Variants in THAP3 observed in about 807,000 individuals in gnomAD.
THAP3 encodes the protein THAP domain-containing protein 3.
Under a neutral mutation model 17.7 loss-of-function variants are expected in THAP3, and 12 were observed. That is an observed-to-expected ratio of 0.68 (90% CI 0.43 to 1.10). The LOEUF (loss-of-function observed/expected upper bound fraction) is 1.10. THAP3 is among the 50% of genes least tolerant of loss of function. The pLI, the probability that THAP3 is intolerant of heterozygous loss-of-function variation, is 0.00. For synonymous variants in THAP3, 133 were observed against 126.9 expected (o/e 1.05, Z -0.32); for missense variants, 289 against 318.0 (o/e 0.91, Z 0.69).
chr1:6,634,581 C>T (rs1641718776), downstream of THAP3: 1 of 1,365,808 alleles, frequency 7.3e-7, no homozygotes, highest in East Asian at 4.5e-5. Flanking sequence ...CAACTGATGG[C>T]TGCCACTTCC....
chr1:6,629,422 G>C (rs1158874402), intron 3 of THAP3, among the ~76,000 whole-genome samples: 1 of 152,188 alleles, frequency 6.6e-6, no homozygotes, highest in Non-Finnish European at 1.5e-5. Flanking sequence ...CCGCCTGGGA[G>C]CCCCTGCCCC....
At chr1:6,625,903 C>T (rs552047065) in intron 2 of THAP3, among the ~76,000 whole-genome samples, 2 of 152,290 alleles carry the variant, frequency 1.3e-5, no homozygotes, top group South Asian at 4.1e-4. Context: ...TCCCATTGTT[C>T]TGTTTTGTGA....
At chr1:6,634,526 T>C, downstream of THAP3, 1 of 1,361,488 alleles carries the variant, frequency 7.3e-7, no homozygotes, top group Non-Finnish European at 9.8e-7. Context: ...GCCAGCTGTC[T>C]CAGCCACCAC....
At chr1:6,634,854 C>T (rs1184777880), downstream of THAP3, 9 of 1,230,534 alleles carry the variant, frequency 7.3e-6, no homozygotes, top group African/African-American at 1.6e-5. Flanking sequence ...TCTTGCCAAG[C>T]GCCTGGTCCT....
chr1:6,625,510 A>G (rs1428470380), intron 2 of THAP3, among the ~76,000 whole-genome samples: 1 of 151,820 alleles, frequency 6.6e-6, no homozygotes, highest in Non-Finnish European at 1.5e-5. Context: ...TGGCGGGGCC[A>G]GGGCCGGGAC....
At chr1:6,634,159 G>A, downstream of THAP3, 2 of 1,385,956 alleles carry the variant, frequency 1.4e-6, no homozygotes, top group East Asian at 4.6e-5. Flanking sequence ...ACACGGAAGA[G>A]CGCCAGCCTC....
chr1:6,624,961 C>G lies in THAP3; in HGVS notation c.-70+7C>G. 1 of 520,828 alleles carries G rather than the reference C, an allele frequency of 1.9e-6. No individual in the cohort carries two copies. The highest frequency in any genetic ancestry group is 3.4e-6 in the Non-Finnish European group (1 of 294,494). 32.3% of individuals were successfully genotyped at this position (520,828 alleles called of 1,614,324 possible). A position where few individuals can be genotyped will look rare whatever the true frequency, so the allele number is the denominator to read the frequency against. On this transcript the variant is annotated splice_region_variant and intron_variant, in intron 1 of 5. Transcript: ENST00000054650. ...ACCAGCATTGGCGAATGGGGTAAGA[C>G]TTGCACAGGCCCAAGGCTAGGAGTT... is the stretch of plus-strand genomic sequence containing the variant.
chr1:6,626,717 G>T (rs1356478196), intron 2 of THAP3, among the ~76,000 whole-genome samples: 1 of 152,150 alleles, frequency 6.6e-6, no homozygotes, highest in African/African-American at 2.4e-5. Context: ...GTGGTAGCGC[G>T]CACCTGAAAT....
chr1:6,627,448 T>C (rs1187628907), intron 2 of THAP3, among the ~76,000 whole-genome samples: 14 of 152,254 alleles, frequency 9.2e-5, no homozygotes, highest in Admixed American at 9.2e-4. Flanking sequence ...CACTGCAGCC[T>C]CTGCCTCCCT....
At chr1:6,633,912 G>A, downstream of THAP3, 1 of 1,003,978 alleles carries the variant, frequency 1.0e-6, no homozygotes, top group Middle Eastern at 2.8e-4. Flanking sequence ...GCGAGACTCA[G>A]TCTGAAAAAA....
Position 6,625,196 on chromosome 1 carries a change from G to A in THAP3, c.-23G>A. On this transcript the variant is annotated 5_prime_UTR_variant, in exon 2 of 6. Transcript: ENST00000054650. The stretch of plus-strand genomic sequence containing the variant: ...CCCGCCGCCGCCGCCATCTTTGTTG[G>A]GGGCAGCCAGGCCTGGCTCGAGATG... The A allele has an allele frequency of 5.2e-6, 8 of 1,536,488 alleles. No individual in the cohort carries two copies. Among genetic ancestry groups the A allele is most frequent in the Non-Finnish European group, 7.0e-6 (8 of 1,143,762 alleles).
Position 6,633,388 on chromosome 1 carries a change from T to G in THAP3, c.*311T>G. The G allele has an allele frequency of 8.1e-7, 1 of 1,234,594 alleles. No homozygotes were observed. Among genetic ancestry groups the G allele is most frequent in the Non-Finnish European group, 1.0e-6 (1 of 977,912 alleles). 76.5% of individuals were successfully genotyped at this position (1,234,594 alleles called of 1,614,324 possible). On this transcript the variant is annotated 3_prime_UTR_variant, in exon 6 of 6. Transcript: ENST00000054650. ...TCAGCACACGCAGAGCAAAGATCGT[T>G]GGAAGCCCCAGTGTGGGAGATGCTC...
In THAP3 at chr1:6,633,324, C is replaced by A. The variant is rs888922080; in HGVS notation, c.*247C>A. 9 of 1,386,266 alleles carry A rather than the reference C, an allele frequency of 6.5e-6. No individual in the cohort carries two copies. Among genetic ancestry groups the A allele is most frequent in the Non-Finnish European group, 8.4e-6 (9 of 1,070,180 alleles). 85.9% of individuals were successfully genotyped at this position (1,386,266 alleles called of 1,614,324 possible). The stretch of plus-strand genomic sequence containing the variant: ...TGACAAGCTTATCCTCCCATGGTAA[C>A]AGAAGTCCAGGCTGAGGCTGATTCT... On this transcript the variant is annotated 3_prime_UTR_variant, in exon 6 of 6. Transcript: ENST00000054650.
rs1030151941 is a variant in THAP3, at chr1:6,633,192, C to A, written c.*115C>A. ...GACACTGAGAAAGTTGGCCATGAGG[C>A]CTGCTTGGCCGGGGATCGAGACAGT... On this transcript the variant is annotated 3_prime_UTR_variant, in exon 6 of 6. Transcript: ENST00000054650. 3.4e-6 allele frequency: 5 copies of A among 1,466,076 alleles called. No homozygotes were observed. Among genetic ancestry groups the A allele is most frequent in the East Asian group, 5.0e-5 (2 of 40,368 alleles). The allele number at this position is 1,466,076 out of a possible 1,614,324, so 90.8% of individuals were successfully genotyped here. A position where few individuals can be genotyped will look rare whatever the true frequency, so the allele number is the denominator to read the frequency against.
At chr1:6,635,555 A>C, downstream of THAP3, 2 of 1,086,572 alleles carry the variant, frequency 1.8e-6, no homozygotes, top group East Asian at 2.6e-5. Context: ...TAATGGTACC[A>C]CCTTCTATAA....
At position 6,632,840 on chromosome 1, in the gene THAP3, G is replaced by C. The variant is rs372826944; in HGVS notation, c.483G>C (p.Pro161=). 1.9e-6 allele frequency: 3 copies of C among 1,612,942 alleles called. No individual in the cohort carries two copies. The highest frequency in any genetic ancestry group is 2.2e-5 in the East Asian group (1 of 44,888). Residue 161 remains proline, a synonymous_variant, in exon 6 of 6, where the codon CCG becomes CCC. Coordinates refer to ENST00000054650, the MANE Select transcript of THAP3 (RefSeq NM_001195753.2). ...RPQATEAVGR[P]TGPAGLRRTP... is the part of the protein sequence containing the mutation. The stretch of plus-strand genomic sequence containing the variant: ...AAGCAACAGAGGCTGTTGGCCGGCC[G>C]ACTGGCCCTGCAGGCCTGAGAAGGA...
downstream of THAP3, chr1:6,634,532 A>AC (rs1557461020): frequency 7.3e-7 from 1 of 1,362,998 alleles, no homozygotes; most frequent in South Asian, 1.2e-5. Context: ...TGTCTCAGCC[A>AC]CCACCTGTGC....
At chr1:6,625,760 G>A (rs888095913) in intron 2 of THAP3, among the ~76,000 whole-genome samples, 50 of 152,014 alleles carry the variant, frequency 3.3e-4, no homozygotes, top group Non-Finnish European at 5.6e-4. Context: ...GGCCCGGCCC[G>A]GCCCGGCCCA....
downstream of THAP3, chr1:6,633,725 A>G (rs560094632): frequency 1.5e-4 from 48 of 326,612 alleles, 1 homozygote; most frequent in African/African-American, 1.0e-3. Context: ...CCTGGCCAAC[A>G]TGGTGAAATC....
Sources: gnomAD v4.1 joint callset for allele counts (sites outside exome capture counted in the v4.1 genomes callset) on GRCh38, gnomAD v4.1.1 for gene constraint, MANE v1.5 for transcripts, NCBI Gene and HGNC (gene_info 2026-07-23, HGNC 2026-07-21) for gene names.